The following PDE3A variants were observed in gnomAD, a reference collection of about 807,000 sequenced individuals.
The protein encoded by PDE3A is phosphodiesterase 3A.
PDE3A carries 43 observed loss-of-function variants against 98.3 expected under a neutral mutation model. The observed-to-expected ratio is 0.44, with a 90% CI of 0.34 to 0.56. The LOEUF is 0.56. Ranked by LOEUF, PDE3A falls within the 20% of genes least tolerant of loss-of-function variation. The pLI is 0.01. For missense variants in PDE3A, 1,427 were observed against 1,440.7 expected, an observed-to-expected ratio of 0.99 and a Z score of 0.15; for synonymous variants, 663 against 567.9, an observed-to-expected ratio of 1.17 and a Z score of -2.38.
intron 10 of PDE3A, among the ~76,000 whole-genome samples, chr12:20,642,904 T>G (rs1565460146): frequency 6.6e-6 from 1 of 152,186 alleles, no homozygotes; most frequent in African/African-American, 2.4e-5. Context: ...CATAGGAGCA[T>G]AGACAAAATT....
chr12:20,405,184 GT>G (rs1156790910), intron 1 of PDE3A, among the ~76,000 whole-genome samples: 1 of 152,068 alleles, frequency 6.6e-6, no homozygotes, highest in East Asian at 1.9e-4. Flanking sequence ...CCCCTCAGCA[GT>G]TTTTCTCTAT....
At chr12:20,410,825 A>G (rs1211889562) in intron 1 of PDE3A, among the ~76,000 whole-genome samples, 1 of 152,238 alleles carries the variant, frequency 6.6e-6, no homozygotes, top group African/African-American at 2.4e-5. Flanking sequence ...AGAATTGAAC[A>G]TGAAAACTGG....
At chr12:20,389,916 A>G (rs992437465) in intron 1 of PDE3A, among the ~76,000 whole-genome samples, 2 of 151,960 alleles carry the variant, frequency 1.3e-5, no homozygotes, top group Admixed American at 1.3e-4. Flanking sequence ...CAATTTCAGT[A>G]CAATATAAAG....
intron 8 of PDE3A, among the ~76,000 whole-genome samples, chr12:20,635,523 A>C (rs963579787): frequency 2.6e-5 from 4 of 150,960 alleles, no homozygotes; most frequent in Non-Finnish European, 5.9e-5. Context: ...GTTTGCAGTG[A>C]GCCAAGATCG....
chr12:20,471,341 T>C (rs1168147682), intron 1 of PDE3A, among the ~76,000 whole-genome samples: 1 of 152,140 alleles, frequency 6.6e-6, no homozygotes, highest in Non-Finnish European at 1.5e-5. Context: ...AGAGGCCCCA[T>C]CCGTGATCAA....
At chr12:20,474,670 G>A (rs1177729330) in intron 1 of PDE3A, among the ~76,000 whole-genome samples, 1 of 152,022 alleles carries the variant, frequency 6.6e-6, no homozygotes, top group African/African-American at 2.4e-5. Flanking sequence ...TTGGCTCCTG[G>A]CCTCTTCCTC....
chr12:20,592,970 G>A (rs1943374881), intron 2 of PDE3A, among the ~76,000 whole-genome samples: 1 of 152,088 alleles, frequency 6.6e-6, no homozygotes, highest in Non-Finnish European at 1.5e-5. Flanking sequence ...AGTATGCTGA[G>A]TACTAAGATT....
In PDE3A at chr12:20,552,705, G is replaced by C; in HGVS notation, c.961-3955G>C. The C allele has an allele frequency of 6.2e-7, 1 of 1,614,052 alleles. No homozygotes were observed. Among genetic ancestry groups the C allele is most frequent in the Non-Finnish European group, 8.5e-7 (1 of 1,179,898 alleles). On this transcript the variant is annotated intron_variant, in intron 1 of 15. Coordinates refer to ENST00000359062, the MANE Select transcript of PDE3A (RefSeq NM_000921.5). The surrounding 1 kb of genome is among the most constrained non-coding windows in gnomAD (Gnocchi z 5.1). ...TCAGAGAGGACAAGAGCAACGCCAA[G>C]CTGTGGAATGAGGTCCTGGCGTCAC...
intron 1 of PDE3A, among the ~76,000 whole-genome samples, chr12:20,472,579 C>T (rs1253079245): frequency 1.5e-5 from 1 of 68,964 alleles, no homozygotes; most frequent in Non-Finnish European, 2.7e-5. Context: ...TTTTATTAAT[C>T]TAAATGACCA....
At chr12:20,468,935 C>T (rs1945389697) in intron 1 of PDE3A, among the ~76,000 whole-genome samples, 1 of 152,132 alleles carries the variant, frequency 6.6e-6, no homozygotes. Flanking sequence ...GTGAGGCTGC[C>T]ACTCAGTCAC....
Position 20,598,552 on chromosome 12 carries a change from G to GC in PDE3A, c.1012-14886dup, listed in dbSNP as rs535209509. ...AAATTGGGGGCTATTGAAATCACCC[G>GC]CCCCCTCAAATGTTTACACTGTGGA... On this transcript the variant is annotated intron_variant, in intron 2 of 15. Coordinates refer to ENST00000359062, the MANE Select transcript of PDE3A (RefSeq NM_000921.5). Among the ~76,000 whole-genome samples the GC allele has an allele frequency of 1.8e-3, 267 of 152,160 alleles. 2 individuals carry two copies. Among genetic ancestry groups the GC allele is most frequent in the African/African-American group, 6.2e-3 (256 of 41,516 alleles).
chr12:20,687,154 T>C lies in PDE3A; in HGVS notation c.*6883T>C, dbSNP rs181082748. Among the ~76,000 whole-genome samples, 2 of 152,216 alleles carry C rather than the reference T, an allele frequency of 1.3e-5. No homozygotes were observed. The highest frequency in any genetic ancestry group is 3.9e-4 in the East Asian group (2 of 5,168). On this transcript the variant is annotated 3_prime_UTR_variant, in exon 16 of 16. Transcript: ENST00000359062. ...CAGATGTTCAATGTGAAATTACAAA[T>C]AGTTGTTTGAAGTATATATACTTCA...
At chr12:20,414,227 G>T (rs767175856) in intron 1 of PDE3A, among the ~76,000 whole-genome samples, 4 of 152,102 alleles carry the variant, frequency 2.6e-5, no homozygotes, top group Non-Finnish European at 4.4e-5. Context: ...GGCCAATAAG[G>T]CCACGGAATT....
chr12:20,656,930 G>A (rs184509766), intron 15 of PDE3A, among the ~76,000 whole-genome samples: 1 of 152,292 alleles, frequency 6.6e-6, no homozygotes, highest in South Asian at 2.1e-4. Flanking sequence ...TTTCTGTTCT[G>A]TAGGGTTGGG....
chr12:20,442,994 T>C (rs185540673), intron 1 of PDE3A, among the ~76,000 whole-genome samples: 2 of 152,242 alleles, frequency 1.3e-5, no homozygotes, highest in Non-Finnish European at 2.9e-5. Context: ...TGATCATCTT[T>C]CATAAATAAT....
rs191437598 is a variant in PDE3A, at chr12:20,660,497, G to C, written c.3184+6292G>C. Among the ~76,000 whole-genome samples the C allele has an allele frequency of 4.9e-3, 747 of 151,902 alleles. 4 individuals are homozygous for C. The highest frequency in any genetic ancestry group is 7.3e-3 in the Non-Finnish European group (498 of 67,936). ...AAAGTTTGGAACTTCCTGGAGATTG[G>C]AGGGTCATATGGTTTGGCTGTGTCT... On this transcript the variant is annotated intron_variant, in intron 15 of 15. Coordinates refer to ENST00000359062, the MANE Select transcript of PDE3A (RefSeq NM_000921.5).
At position 20,552,446 on chromosome 12, in the gene PDE3A, A is replaced by G; in HGVS notation, c.961-4214A>G. ...ATCAAGAAGCTGGGGCTGACCATGC[A>G]GTATCCAGAAGGCTACCTGGAAGCC... On this transcript the variant is annotated intron_variant, in intron 1 of 15. Coordinates refer to ENST00000359062, the MANE Select transcript of PDE3A (RefSeq NM_000921.5). The surrounding 1 kb of genome is among the most constrained non-coding windows in gnomAD (Gnocchi z 5.1). The G allele has an allele frequency of 5.6e-6, 9 of 1,612,820 alleles. No homozygotes were observed. Among genetic ancestry groups the G allele is most frequent in the Non-Finnish European group, 7.6e-6 (9 of 1,179,768 alleles).
chr12:20,391,660 A>G (rs2120611375), intron 1 of PDE3A, among the ~76,000 whole-genome samples: 2 of 151,728 alleles, frequency 1.3e-5, no homozygotes, highest in African/African-American at 4.8e-5. Flanking sequence ...GATTGGAGGG[A>G]AATTAAAGGT....
intron 1 of PDE3A, among the ~76,000 whole-genome samples, chr12:20,451,933 A>T (rs995274478): frequency 7.2e-5 from 11 of 152,098 alleles, no homozygotes; most frequent in African/African-American, 2.4e-4. Context: ...ATTTCTCTTC[A>T]TTGCATAGTG....
Sources: gnomAD v4.1 joint callset for allele counts (sites outside exome capture counted in the v4.1 genomes callset) on GRCh38, gnomAD v4.1.1 for gene constraint, Gnocchi (gnomAD v3.1) non-coding constraint, MANE v1.5 for transcripts, NCBI Gene and HGNC (gene_info 2026-07-23, HGNC 2026-07-21) for gene names.